Variants in ZNF787 observed in about 807,000 individuals in gnomAD.
The protein encoded by ZNF787 is TTF-I-interacting peptide 20.
Under a neutral mutation model 16.9 loss-of-function variants are expected in ZNF787, and 7 were observed. That is an observed-to-expected ratio of 0.42 (90% CI 0.24 to 0.78). The LOEUF (loss-of-function observed/expected upper bound fraction) is 0.78, where lower values mean the gene tolerates loss of function less well. Ranked by LOEUF, ZNF787 falls within the 30% of genes least tolerant of loss-of-function variation. The probability of loss-of-function intolerance (pLI) is 0.30; values close to 1 mark genes in which losing one functional copy is unlikely to be tolerated. For synonymous variants in ZNF787, 345 were observed against 270.9 expected (o/e 1.27, Z -2.69); for missense variants, 551 against 589.3 (o/e 0.94, Z 0.67).
In ZNF787 at chr19:56,088,393, G is replaced by T; in HGVS notation, c.779C>A (p.Ala260Glu). ...GEGAAAAAAM[A>E]GAGAKAAGPR... ...CCCCGCGGCCTTTGCCCCCGCGCCC[G>T]CCATGGCTGCCGCGGCCGCGGCCCC... The change falls in exon 3 of 3, where the codon GCG (alanine) becomes GAG (glutamate). Residue 260 changes from alanine (A) to glutamate (E), a missense_variant. This residue lies in a region of ZNF787 where 392 missense variants were observed against 312.7 expected (regional missense o/e 1.25). Coordinates refer to ENST00000610935, the MANE Select transcript of ZNF787 (RefSeq NM_001002836.4). This position sits in a 1 kb window ranked among gnomAD's most constrained non-coding sequence, Gnocchi z 8.6. 1.8e-6 allele frequency: 2 copies of T among 1,097,684 alleles called. No individual in the cohort carries two copies. The highest frequency in any genetic ancestry group is 2.2e-6 in the Non-Finnish European group (2 of 903,592). 68.0% of individuals were successfully genotyped at this position (1,097,684 alleles called of 1,614,324 possible). A position where few individuals can be genotyped will look rare whatever the true frequency, so the allele number is the denominator to read the frequency against.
rs956122939 is a variant in ZNF787, at chr19:56,088,503, G to A, written c.669C>T (p.Pro223=). 185 of 1,404,382 alleles carry A rather than the reference G, an allele frequency of 1.3e-4. No homozygotes were observed. The highest frequency in any genetic ancestry group is 1.6e-4 in the Non-Finnish European group (174 of 1,085,496). The allele number at this position is 1,404,382 out of a possible 1,614,324, so 87.0% of individuals were successfully genotyped here. A position where few individuals can be genotyped will look rare whatever the true frequency, so the allele number is the denominator to read the frequency against. The stretch of plus-strand genomic sequence containing the variant: ...CGCCGTCCGCCGCCACCGCCTCTTC[G>A]GGCCCCTTGGCCCGCCGGACGCTAG... The part of the protein sequence containing the change: ...LAASVRRAKG[P]EEAVAADGEI... Residue 223 remains proline (P), a synonymous_variant, in exon 3 of 3, where the codon CCC becomes CCT. Coordinates refer to ENST00000610935, the MANE Select transcript of ZNF787 (RefSeq NM_001002836.4). This position sits in a 1 kb window ranked among gnomAD's most constrained non-coding sequence, Gnocchi z 8.6.
intron 2 of ZNF787, among the ~76,000 whole-genome samples, chr19:56,091,065 G>A (rs1027184052): frequency 6.6e-6 from 1 of 152,178 alleles, no homozygotes; most frequent in African/African-American, 2.4e-5. Context: ...AGCCCACTGC[G>A]TTGTCAACAT....
rs896436847 is a variant in ZNF787 at position 56,120,056 on chromosome 19, C to T, written c.-11+1116G>A. Among the ~76,000 whole-genome samples, 11 of 152,344 alleles carry T rather than the reference C, an allele frequency of 7.2e-5. No individual in the cohort carries two copies. The East Asian group carries it at 1.9e-3, about 27-fold the overall frequency. Reference sequence around the variant, plus strand: ...GGCTGGGTCAAAATGCCTTCCCTGGCTCCCACAGCCCCCAGACCTCTCCAT... The same window carrying T: ...GGCTGGGTCAAAATGCCTTCCCTGGTTCCCACAGCCCCCAGACCTCTCCAT... On this transcript the variant is annotated intron_variant, in intron 1 of 2. Transcript: ENST00000610935.
At chr19:56,109,401 G>C (rs62122455) in intron 1 of ZNF787, among the ~76,000 whole-genome samples, 18,132 of 152,102 alleles carry the variant, frequency 0.12, 1,284 homozygotes, top group East Asian at 0.24. Flanking sequence ...CGCCCTCCTC[G>C]TAGAGGAAGA....
intron 2 of ZNF787, among the ~76,000 whole-genome samples, chr19:56,091,671 T>C (rs923895621): frequency 1.3e-5 from 2 of 152,238 alleles, no homozygotes; most frequent in African/African-American, 4.8e-5. Context: ...TACAGGCATC[T>C]CTGCACTACT....
At chr19:56,112,647 C>T (rs2030014041) in intron 1 of ZNF787, among the ~76,000 whole-genome samples, 1 of 151,386 alleles carries the variant, frequency 6.6e-6, no homozygotes, top group Non-Finnish European at 1.5e-5. Flanking sequence ...CTTTCTTCCT[C>T]CCCCCAGTCT....
At chr19:56,116,856 C>T (rs1214384736) in intron 1 of ZNF787, among the ~76,000 whole-genome samples, 3 of 152,208 alleles carry the variant, frequency 2.0e-5, no homozygotes, top group Non-Finnish European at 4.4e-5. Flanking sequence ...TGCTCCCTTC[C>T]CTCAGCTCTA....
chr19:56,088,642 G>A lies in ZNF787; in HGVS notation c.530C>T (p.Pro177Leu), dbSNP rs1985447248. The change falls in exon 3 of 3, where the codon CCC becomes CTC. Residue 177 changes from proline (P) to leucine (L), a missense_variant. By Grantham distance (98) the Pro-to-Leu change is moderately conservative. Transcript: ENST00000610935. This position sits in a 1 kb window ranked among gnomAD's most constrained non-coding sequence, Gnocchi z 8.6. ...KHRRSHSGLK[P>L]FVCPRCGRGF... ...GCGGCCGCAGCGCGGGCACACGAAG[G>A]GCTTGAGGCCGCTGTGCGAGCGCCG... 6.5e-7 allele frequency: 1 copy of A among 1,546,122 alleles called. No individual in the cohort carries two copies. Among genetic ancestry groups the A allele is most frequent in the Non-Finnish European group, 8.7e-7 (1 of 1,154,156 alleles).
In ZNF787 at chr19:56,088,733, C is replaced by T; in HGVS notation, c.439G>A (p.Glu147Lys). 2 of 1,610,154 alleles carry T rather than the reference C, an allele frequency of 1.2e-6. No homozygotes were observed. The highest frequency in any genetic ancestry group is 8.5e-7 in the Non-Finnish European group (1 of 1,178,830). The stretch of plus-strand genomic sequence containing the variant: ...CAGTCGGGGCAGGTGTAGGGCTTCT[C>T]GCCCGTGTGGATGCGCTGGTGCTGC... ...LMQHQRIHTG[E>K]KPYTCPDCGR... Residue 147 changes from glutamate (E) to lysine (K), a missense_variant, in exon 3 of 3, where the codon GAG (glutamate) becomes AAG (lysine). Glu to Lys is a moderately conservative substitution (Grantham distance 56). Around this residue, in one of 4 missense-constraint regions of ZNF787, gnomAD observed 40 missense variants for 60.7 expected, o/e 0.66. Transcript: ENST00000610935. This position sits in a 1 kb window ranked among gnomAD's most constrained non-coding sequence, Gnocchi z 8.6.
At chr19:56,104,486 C>T (rs1161700962) in intron 1 of ZNF787, among the ~76,000 whole-genome samples, 2 of 133,986 alleles carry the variant, frequency 1.5e-5, no homozygotes, top group African/African-American at 5.7e-5. Context: ...GGTCCCTACG[C>T]ACGCCGACCC....
chr19:56,089,747 G>A (rs1332651489), intron 2 of ZNF787, among the ~76,000 whole-genome samples: 1 of 152,304 alleles, frequency 6.6e-6, no homozygotes, highest in East Asian at 1.9e-4. Flanking sequence ...CTGGTGTGGG[G>A]GCTCCTGTCT....
chr19:56,097,665 A>C (rs917752509), intron 2 of ZNF787, among the ~76,000 whole-genome samples: 6 of 152,234 alleles, frequency 3.9e-5, no homozygotes, highest in Admixed American at 1.3e-4. Flanking sequence ...GTTTCTTTTT[A>C]TCTGGCTGTG....
chr19:56,119,595 G>A (rs1332829706), intron 1 of ZNF787, among the ~76,000 whole-genome samples: 6 of 152,230 alleles, frequency 3.9e-5, no homozygotes, highest in Non-Finnish European at 8.8e-5. Flanking sequence ...CTAAGGCCAC[G>A]AAGGTGAGTG....
intron 1 of ZNF787, among the ~76,000 whole-genome samples, chr19:56,112,224 G>GAAAACCC (rs2030000356): frequency 6.6e-6 from 1 of 152,126 alleles, no homozygotes; most frequent in Non-Finnish European, 1.5e-5. Flanking sequence ...TTGCTCTCAA[G>GAAAACCC]AAAACCCTGG....
chr19:56,104,842 T>TC (rs1986241742), intron 1 of ZNF787, among the ~76,000 whole-genome samples: 1 of 152,234 alleles, frequency 6.6e-6, no homozygotes, highest in African/African-American at 2.4e-5. Flanking sequence ...TAAAACAGGC[T>TC]CCCTGGCTGG....
intron 1 of ZNF787, among the ~76,000 whole-genome samples, chr19:56,104,854 T>C (rs945447033): frequency 2.6e-5 from 4 of 152,208 alleles, no homozygotes; most frequent in African/African-American, 9.7e-5. Flanking sequence ...CCTGGCTGGA[T>C]GCGGTGGCTC....
chr19:56,093,872 G>C lies in ZNF787; in HGVS notation c.80-4780C>G, dbSNP rs543376086. 9.2e-5 allele frequency among the ~76,000 whole-genome samples: 14 copies of C among 152,316 alleles called. No individual in the cohort carries two copies. The East Asian group carries it at 2.7e-3, about 29-fold the overall frequency. On this transcript the variant is annotated intron_variant, in intron 2 of 2. Transcript: ENST00000610935. ...CTGTGATTTGCTCTTTCAATGCGCAGCTTTCATGTGTTAAGGGGTGTTCCT... is the reference window on the plus strand; with the variant it reads ...CTGTGATTTGCTCTTTCAATGCGCACCTTTCATGTGTTAAGGGGTGTTCCT...
chr19:56,119,313 A>G lies in ZNF787; in HGVS notation c.-11+1859T>C, dbSNP rs371416678. Reference sequence around the variant, plus strand: ...ATTACATTTACTCAGGGAATTGTGAACTTGCTCTCGTTTTTAGACAACTGA... The same window carrying G: ...ATTACATTTACTCAGGGAATTGTGAGCTTGCTCTCGTTTTTAGACAACTGA... On this transcript the variant is annotated intron_variant, in intron 1 of 2. Transcript: ENST00000610935. Among the ~76,000 whole-genome samples the G allele has an allele frequency of 7.7e-4, 117 of 152,314 alleles. 1 individual carries two copies. Among genetic ancestry groups the G allele is most frequent in the African/African-American group, 2.7e-3 (112 of 41,570 alleles).
Position 56,088,916 on chromosome 19 carries a change from G to T in ZNF787, c.256C>A (p.Arg86Ser). 1 of 1,595,332 alleles carries T rather than the reference G, an allele frequency of 6.3e-7. No individual in the cohort carries two copies. Among genetic ancestry groups the T allele is most frequent in the South Asian group, 1.1e-5 (1 of 88,598 alleles). Reference protein sequence around the residue: ...SHWSKLTRHQRTHTGERPNAC... With the variant: ...SHWSKLTRHQSTHTGERPNAC... The stretch of plus-strand genomic sequence containing the variant: ...TTGGGCCGCTCGCCGGTGTGCGTGC[G>T]CTGGTGCCGCGTCAGCTTGGACCAG... Residue 86 changes from arginine (R) to serine (S), a missense_variant, in exon 3 of 3, where the codon CGC becomes AGC. Physicochemically the swap from Arg to Ser is moderately radical, Grantham distance 110. Coordinates refer to ENST00000610935, the MANE Select transcript of ZNF787 (RefSeq NM_001002836.4). The surrounding 1 kb of genome is among the most constrained non-coding windows in gnomAD (Gnocchi z 8.6).
Sources: allele counts gnomAD v4.1 joint callset (sites outside exome capture counted in the v4.1 genomes callset), GRCh38; gene constraint gnomAD v4.1.1; regional missense constraint gnomAD v4.1.1; non-coding constraint Gnocchi (gnomAD v3.1); transcripts MANE v1.5; gene names NCBI Gene and HGNC (gene_info 2026-07-23, HGNC 2026-07-21).